The following PRPF6 variants were observed in gnomAD, a reference collection of about 807,000 sequenced individuals.
PRPF6 encodes the protein pre-mRNA-processing factor 6.
A neutral mutation model predicts 118.3 loss-of-function variants in PRPF6; 42 were observed. The observed-to-expected ratio is 0.35, with a 90% CI of 0.28 to 0.46. The LOEUF is 0.46. PRPF6 is among the 20% of genes least tolerant of loss of function. The pLI, the probability that PRPF6 is intolerant of heterozygous loss-of-function variation, is 1.00. For synonymous variants in PRPF6, 481 were observed against 485.1 expected (o/e 0.99, Z 0.11); for missense variants, 662 against 1,255.7 (o/e 0.53, Z 7.15).
chr20:64,016,940 T>A, intron 12 of PRPF6, 95 bp downstream of exon 12: 3 of 236,312 alleles, frequency 1.3e-5, no homozygotes, highest in Non-Finnish European at 2.2e-5. Flanking sequence ...TTTAAAACTC[T>A]TTTTTTTTTT....
chr20:63,989,808 C>G (rs1472748735), intron 3 of PRPF6, among the ~76,000 whole-genome samples: 1 of 151,928 alleles, frequency 6.6e-6, no homozygotes, highest in African/African-American at 2.4e-5. Context: ...CCACTGCGCC[C>G]AGCTCTGTTG....
rs572420746 is a variant in PRPF6 at position 64,010,079 on chromosome 20, G to T, written c.1187-121G>T. ...AGGAAGCCACATAAAGGGCAGGTGT[G>T]TGGTCCCTGACTGTCAACCAGGGAA... On this transcript the variant is annotated intron_variant, in intron 9 of 20. Transcript: ENST00000266079. 77 of 846,322 alleles carry T rather than the reference G, an allele frequency of 9.1e-5. No homozygotes were observed. The East Asian group carries it at 1.8e-3, about 20-fold the overall frequency. The allele number at this position is 846,322 out of a possible 1,614,324, so 52.4% of individuals were successfully genotyped here.
intron 7 of PRPF6, 96 bp downstream of exon 7, chr20:63,999,235 A>C: frequency 9.8e-7 from 1 of 1,017,368 alleles, no homozygotes; most frequent in Non-Finnish European, 1.5e-6. Context: ...AAAATGGGAC[A>C]TGGCGGTTCT....
At chr20:64,008,981 CAT>C (rs1280559617) in intron 9 of PRPF6, among the ~76,000 whole-genome samples, 1 of 152,020 alleles carries the variant, frequency 6.6e-6, no homozygotes, top group Non-Finnish European at 1.5e-5. Context: ...TAAGGGAAAA[CAT>C]GTAATAATGA....
intron 6 of PRPF6, among the ~76,000 whole-genome samples, chr20:63,996,744 T>A (rs1300879494): frequency 6.6e-6 from 1 of 152,030 alleles, no homozygotes; most frequent in African/African-American, 2.4e-5. Flanking sequence ...CTGGGCAACA[T>A]GGTGATGGTG....
At chr20:63,999,579 C>G (rs1205128476) in intron 7 of PRPF6, 24 bp from the exon 8 acceptor site, 1 of 1,613,570 alleles carries the variant, frequency 6.2e-7, no homozygotes, top group South Asian at 1.1e-5. Flanking sequence ...TGGCCTGATG[C>G]CGTGTGCACT....
At chr20:63,997,040 C>T (rs371241701) in intron 6 of PRPF6, among the ~76,000 whole-genome samples, 18 of 152,230 alleles carry the variant, frequency 1.2e-4, no homozygotes, top group African/African-American at 4.3e-4. Flanking sequence ...TAATTATGTT[C>T]ATGTTGTTAT....
intron 14 of PRPF6, among the ~76,000 whole-genome samples, chr20:64,024,950 C>T (rs372202205): frequency 6.6e-6 from 1 of 152,062 alleles, no homozygotes; most frequent in Non-Finnish European, 1.5e-5. Context: ...ACATGGAACA[C>T]GGGGTCACAC....
chr20:64,014,943 G>A (rs958186897), intron 11 of PRPF6, among the ~76,000 whole-genome samples: 1 of 152,150 alleles, frequency 6.6e-6, no homozygotes, highest in African/African-American at 2.4e-5. Context: ...CACGACACGT[G>A]GTCTTTTGTG....
intron 3 of PRPF6, among the ~76,000 whole-genome samples, chr20:63,990,726 C>T (rs1484490947): frequency 6.6e-6 from 1 of 151,348 alleles, no homozygotes; most frequent in African/African-American, 2.4e-5. Flanking sequence ...CTTACTGCAA[C>T]CTCCGCCTCC....
At position 64,027,226 on chromosome 20, in the gene PRPF6, A is replaced by G. The variant is rs1490999831; in HGVS notation, c.2205+68A>G. ...TTCACAAAACTGAGCCCCCTGGTGC[A>G]GGGTCATTGCCCTTCGCCTCTGAGG... On this transcript the variant is annotated intron_variant, in intron 16 of 20. Coordinates refer to ENST00000266079, the MANE Select transcript of PRPF6 (RefSeq NM_012469.4). This position sits in a 1 kb window ranked among gnomAD's most constrained non-coding sequence, Gnocchi z 6.5. 2 of 1,582,514 alleles carry G rather than the reference A, an allele frequency of 1.3e-6. No individual in the cohort carries two copies. Among genetic ancestry groups the G allele is most frequent in the Admixed American group, 3.5e-5 (2 of 57,344 alleles).
At position 63,981,200 on chromosome 20, in the gene PRPF6, C is replaced by A; in HGVS notation, c.-46C>A. ...AGAGTCTCTGCGTCTTTCCCTCTTC[C>A]GCTGCCTCATTCCTTTCCTTCCTAG... is the stretch of plus-strand genomic sequence containing the variant. On this transcript the variant is annotated 5_prime_UTR_variant, in exon 1 of 21. Transcript: ENST00000266079. 1 of 1,561,646 alleles carries A rather than the reference C, an allele frequency of 6.4e-7. No individual in the cohort carries two copies.
chr20:64,000,727 C>T (rs2059162961), intron 8 of PRPF6, among the ~76,000 whole-genome samples: 7 of 152,090 alleles, frequency 4.6e-5, no homozygotes, highest in Admixed American at 4.6e-4. Context: ...TGCCACCACA[C>T]CCGGCTAATT....
At chr20:64,004,644 C>T (rs1377245642) in intron 9 of PRPF6, among the ~76,000 whole-genome samples, 5 of 152,092 alleles carry the variant, frequency 3.3e-5, no homozygotes, top group Middle Eastern at 3.2e-3. Context: ...GGCTGAGTAA[C>T]CTTAGGCATG....
chr20:64,030,154 G>A (rs184703612), intron 19 of PRPF6, among the ~76,000 whole-genome samples: 7 of 152,368 alleles, frequency 4.6e-5, no homozygotes, highest in Admixed American at 4.6e-4. Context: ...CGACCCCCAG[G>A]GTCCCTGTTT....
At chr20:64,017,296 G>C (rs1808561028) in intron 12 of PRPF6, among the ~76,000 whole-genome samples, 2 of 148,720 alleles carry the variant, frequency 1.3e-5, no homozygotes, top group African/African-American at 5.1e-5. Context: ...CTCCCAAAGT[G>C]CTGGGATCAC....
rs1569225888 is a variant in PRPF6 at position 64,027,771 on chromosome 20, A to G, written c.2339+35A>G. On this transcript the variant is annotated intron_variant, in intron 17 of 20. Coordinates refer to ENST00000266079, the MANE Select transcript of PRPF6 (RefSeq NM_012469.4). This position sits in a 1 kb window ranked among gnomAD's most constrained non-coding sequence, Gnocchi z 6.5. ...GGAGGGGGCAGCCTGGCCTCTGGGCACAGCTTCCCCATCAGGTGGGCCGCC... is the reference window on the plus strand; with the variant it reads ...GGAGGGGGCAGCCTGGCCTCTGGGCGCAGCTTCCCCATCAGGTGGGCCGCC... 6.2e-7 allele frequency: 1 copy of G among 1,612,868 alleles called. No individual in the cohort carries two copies. The highest frequency in any genetic ancestry group is 8.5e-7 in the Non-Finnish European group (1 of 1,179,866).
chr20:64,025,218 C>T (rs970973275), intron 14 of PRPF6, among the ~76,000 whole-genome samples: 9 of 152,058 alleles, frequency 5.9e-5, no homozygotes, highest in African/African-American at 2.2e-4. Flanking sequence ...GGGGACTGGC[C>T]TGGGTTTAAC....
In PRPF6 at chr20:64,026,926, T is replaced by C. The variant is rs2059293838; in HGVS notation, c.2029-56T>C. The C allele has an allele frequency of 1.9e-6, 3 of 1,593,734 alleles. No individual in the cohort carries two copies. The highest frequency in any genetic ancestry group is 2.6e-6 in the Non-Finnish European group (3 of 1,162,428). On this transcript the variant is annotated intron_variant, in intron 15 of 20. Coordinates refer to ENST00000266079, the MANE Select transcript of PRPF6 (RefSeq NM_012469.4). The surrounding 1 kb of genome is among the most constrained non-coding windows in gnomAD (Gnocchi z 4.4). The stretch of plus-strand genomic sequence containing the variant: ...AACAGTGTTGAGGATGAGTGTACCA[T>C]GAAGCACGTACCCTGGAGCTGATGC...
Sources: gnomAD v4.1 joint callset for allele counts (sites outside exome capture counted in the v4.1 genomes callset) on GRCh38, gnomAD v4.1.1 for gene constraint, Gnocchi (gnomAD v3.1) non-coding constraint, MANE v1.5 for transcripts, NCBI Gene and HGNC (gene_info 2026-07-23, HGNC 2026-07-21) for gene names.